Variants in SHB observed in about 807,000 individuals in gnomAD.
SHB encodes SH2 domain-containing adapter protein B.
Under a neutral mutation model 52.3 loss-of-function variants are expected in SHB, and 20 were observed. The ratio of observed to expected loss-of-function variants is 0.38; its 90% CI spans 0.27 to 0.56. The LOEUF is 0.56. Among genes scored for constraint, SHB ranks in the 20% least tolerant of loss-of-function variants. SHB has a pLI of 0.71. For synonymous variants in SHB, 397 were observed against 316.5 expected (o/e 1.25, Z -2.70); for missense variants, 825 against 723.3 (o/e 1.14, Z -1.61).
intron 1 of SHB, among the ~76,000 whole-genome samples, chr9:38,043,507 G>C (rs1821607330): frequency 6.6e-6 from 1 of 152,206 alleles, no homozygotes; most frequent in Non-Finnish European, 1.5e-5. Context: ...AGATGGGAGA[G>C]AAACGCAAGG....
intron 1 of SHB, among the ~76,000 whole-genome samples, chr9:38,037,187 G>C (rs1821500296): frequency 6.6e-6 from 1 of 152,126 alleles, no homozygotes; most frequent in Non-Finnish European, 1.5e-5. Context: ...CACAACAGTG[G>C]GCTCAAACAA....
chr9:38,014,787 C>T (rs550853808), intron 2 of SHB, among the ~76,000 whole-genome samples: 167 of 152,312 alleles, frequency 1.1e-3, no homozygotes, highest in African/African-American at 3.0e-3. Context: ...ACAGCAAAGG[C>T]AGAGCCTAGA....
chr9:38,052,210 C>A (rs568200556), intron 1 of SHB, among the ~76,000 whole-genome samples: 1 of 152,060 alleles, frequency 6.6e-6, no homozygotes, highest in Non-Finnish European at 1.5e-5. Context: ...CAGCCCCCTC[C>A]CCATCTCCTT....
intron 1 of SHB, 41 bp downstream of exon 1, chr9:38,067,888 G>A (rs1374452503): frequency 1.4e-6 from 2 of 1,418,024 alleles, no homozygotes; most frequent in Non-Finnish European, 1.8e-6. Flanking sequence ...CGTGCGCACC[G>A]TGGCTCTGGA....
chr9:38,017,027 T>C (rs999821306), intron 1 of SHB, among the ~76,000 whole-genome samples: 3 of 152,226 alleles, frequency 2.0e-5, no homozygotes, highest in Non-Finnish European at 4.4e-5. Flanking sequence ...GTTCCACGTT[T>C]TCCCTGGAGA....
intron 1 of SHB, among the ~76,000 whole-genome samples, chr9:38,047,955 A>G (rs924104112): frequency 2.6e-5 from 4 of 152,232 alleles, no homozygotes; most frequent in East Asian, 1.9e-4. Context: ...GTGAGCTTAT[A>G]TAACAAAGGG....
intron 2 of SHB, among the ~76,000 whole-genome samples, chr9:37,990,996 G>T (rs1564096099): frequency 6.6e-6 from 1 of 152,122 alleles, no homozygotes. Context: ...GTCTCGGGAG[G>T]GAGATTTCAC....
chr9:38,006,622 G>A (rs369222565), intron 2 of SHB, among the ~76,000 whole-genome samples: 58 of 152,322 alleles, frequency 3.8e-4, no homozygotes, highest in African/African-American at 1.2e-3. Context: ...TAAAATGCAC[G>A]TTTCTCTCAC....
At chr9:37,962,638 T>C (rs577329945) in intron 3 of SHB, among the ~76,000 whole-genome samples, 2 of 151,878 alleles carry the variant, frequency 1.3e-5, no homozygotes, top group South Asian at 4.2e-4. Context: ...TCCCAAGCAG[T>C]AGGGACTACA....
chr9:38,034,093 C>T (rs895164515), intron 1 of SHB, among the ~76,000 whole-genome samples: 5 of 152,228 alleles, frequency 3.3e-5, no homozygotes, highest in Non-Finnish European at 5.9e-5. Flanking sequence ...AGCTCTCTCT[C>T]ATGGCCACAC....
chr9:37,942,510 C>T (rs1486823777), intron 5 of SHB, among the ~76,000 whole-genome samples: 6 of 152,222 alleles, frequency 3.9e-5, no homozygotes, highest in Admixed American at 1.3e-4. Flanking sequence ...CTGGACTCAC[C>T]CAGGGCTCTG....
chr9:38,009,648 G>A lies in SHB; in HGVS notation c.838+6363C>T, dbSNP rs189977239. The stretch of plus-strand genomic sequence containing the variant: ...CCATGATTCTCCCAGAGAGCATGTT[G>A]CCACTAGAAGAGGCCACACCAGAGG... On this transcript the variant is annotated intron_variant, in intron 2 of 5. Transcript: ENST00000377707. 9.8e-3 allele frequency among the ~76,000 whole-genome samples: 1,489 copies of A among 152,304 alleles called. 12 individuals carry two copies. Among genetic ancestry groups the A allele is most frequent in the Non-Finnish European group, 0.017 (1,123 of 68,034 alleles).
At chr9:38,022,258 C>A (rs536517668) in intron 1 of SHB, among the ~76,000 whole-genome samples, 3 of 152,334 alleles carry the variant, frequency 2.0e-5, no homozygotes, top group African/African-American at 7.2e-5. Context: ...GCCCCCCTGT[C>A]TAGGGCCACA....
intron 4 of SHB, among the ~76,000 whole-genome samples, chr9:37,952,975 A>G (rs971330199): frequency 2.0e-5 from 3 of 151,978 alleles, no homozygotes; most frequent in African/African-American, 4.8e-5. Flanking sequence ...CACCACTAGG[A>G]TCCTGGGAGA....
intron 1 of SHB, among the ~76,000 whole-genome samples, chr9:38,035,187 A>C (rs1821468918): frequency 6.6e-6 from 1 of 152,052 alleles, no homozygotes; most frequent in African/African-American, 2.4e-5. Flanking sequence ...GTGGGATCAG[A>C]GAACAGAATG....
chr9:37,955,787 CCAGTCTGTGGATTTTTAAAAGAAGATGA>C, intron 4 of SHB, 68 bp downstream of exon 4: 1 of 1,246,142 alleles, frequency 8.0e-7, no homozygotes, highest in South Asian at 1.4e-5. Flanking sequence ...CACGCCCGGC[CCAGTCTGTGGATTTTTAAAAGAAGATGA>C]CATGAAAGAG....
At chr9:38,028,890 T>C (rs935616395) in intron 1 of SHB, among the ~76,000 whole-genome samples, 2 of 152,152 alleles carry the variant, frequency 1.3e-5, no homozygotes, top group African/African-American at 2.4e-5. Context: ...CCTGGTCACC[T>C]GCCATTCCAC....
At chr9:37,958,750 C>T (rs2117922759) in intron 3 of SHB, among the ~76,000 whole-genome samples, 1 of 152,334 alleles carries the variant, frequency 6.6e-6, no homozygotes, top group Non-Finnish European at 1.5e-5. Context: ...ACATCACCAC[C>T]AGCATCTACC....
intron 2 of SHB, among the ~76,000 whole-genome samples, chr9:37,989,519 C>T (rs1259955236): frequency 6.6e-6 from 1 of 152,222 alleles, no homozygotes; most frequent in Non-Finnish European, 1.5e-5. Context: ...CTCCCTCCTT[C>T]CATATAGCAC....
Sources: gnomAD v4.1 joint callset for allele counts (sites outside exome capture counted in the v4.1 genomes callset) on GRCh38, gnomAD v4.1.1 for gene constraint, MANE v1.5 for transcripts, NCBI Gene and HGNC (gene_info 2026-07-23, HGNC 2026-07-21) for gene names.